Variants in PEAK1 observed in about 807,000 individuals in gnomAD.
The protein encoded by PEAK1 is inactive tyrosine-protein kinase PEAK1.
Under a neutral mutation model 124.7 loss-of-function variants are expected in PEAK1, and 54 were observed. The ratio of observed to expected loss-of-function variants is 0.43; its 90% CI spans 0.35 to 0.54. The LOEUF is 0.54. Ranked by LOEUF, PEAK1 falls within the 20% of genes least tolerant of loss-of-function variation. PEAK1 has a pLI of 0.01. For synonymous variants in PEAK1, 719 were observed against 760.0 expected (o/e 0.95, Z 0.89); for missense variants, 2,046 against 2,134.5 (o/e 0.96, Z 0.82).
At chr15:77,101,700 G>C (rs2050695623) in exon 7 of PEAK1, 1 of 152,178 alleles carries the variant, frequency 6.6e-6, no homozygotes, top group Non-Finnish European at 1.5e-5. Flanking sequence ...GGGGAGGAGG[G>C]GGTCTTGGAG....
chr15:77,195,479 T>C (rs1432122454), intron 6 of PEAK1, among the ~76,000 whole-genome samples: 3 of 152,098 alleles, frequency 2.0e-5, no homozygotes, highest in East Asian at 3.8e-4. Flanking sequence ...TCAAGACAAG[T>C]GAGAGGAAGA....
intron 8 of PEAK1, chr15:77,156,725 T>G (rs1365366222): frequency 6.6e-6 from 1 of 152,198 alleles, no homozygotes; most frequent in African/African-American, 2.4e-5. Flanking sequence ...TAGTAAAAAT[T>G]AAATATTTTA....
At chr15:77,177,764 T>G (rs2056973444) in intron 7 of PEAK1, 2 of 152,154 alleles carry the variant, frequency 1.3e-5, no homozygotes, top group South Asian at 4.1e-4. Flanking sequence ...AAAAGTTCCT[T>G]GTTTTTACTG....
rs1207091121 is a variant in PEAK1, at chr15:77,151,833, T to C, written c.3331+6670A>G. ...ATCGGATGGTTGTAGATATGTGGCGTTATTTCTGAGGGCTCTGTTCTGTTC... is the reference window on the plus strand; with the variant it reads ...ATCGGATGGTTGTAGATATGTGGCGCTATTTCTGAGGGCTCTGTTCTGTTC... On this transcript the variant is annotated intron_variant, in intron 8 of 9. Transcript: ENST00000682557. 2.6e-5 allele frequency among the ~76,000 whole-genome samples: 4 copies of C among 152,366 alleles called. No homozygotes were observed. In the East Asian group the frequency reaches 7.7e-4, roughly 29 times the overall value.
intron 1 of PEAK1, chr15:77,418,781 A>G (rs1043793544): frequency 1.0e-6 from 1 of 985,326 alleles, no homozygotes; most frequent in Non-Finnish European, 1.2e-6. Flanking sequence ...AGAGAGCAAT[A>G]TGGGTTCTCT....
At chr15:77,240,471 T>C (rs571272695) in intron 6 of PEAK1, among the ~76,000 whole-genome samples, 1 of 151,558 alleles carries the variant, frequency 6.6e-6, no homozygotes, top group Non-Finnish European at 1.5e-5. Flanking sequence ...TAAAAAAAAA[T>C]GAGCCTGGTG....
chr15:77,312,686 T>C (rs146994466), intron 2 of PEAK1, among the ~76,000 whole-genome samples: 9 of 152,374 alleles, frequency 5.9e-5, no homozygotes, highest in Non-Finnish European at 1.2e-4. Flanking sequence ...TTTGTTTTCA[T>C]ACTCATGATG....
At chr15:77,392,165 G>T (rs1200522798) in intron 1 of PEAK1, among the ~76,000 whole-genome samples, 1 of 152,108 alleles carries the variant, frequency 6.6e-6, no homozygotes, top group Non-Finnish European at 1.5e-5. Context: ...TCACAAAGAA[G>T]GCATGCAGAA....
At chr15:77,123,376 A>C (rs1040563592) in intron 9 of PEAK1, among the ~76,000 whole-genome samples, 4 of 152,184 alleles carry the variant, frequency 2.6e-5, no homozygotes, top group Non-Finnish European at 4.4e-5. Context: ...CCAACTGTCC[A>C]TCCTGATTCT....
intron 2 of PEAK1, among the ~76,000 whole-genome samples, chr15:77,314,733 T>A (rs982967167): frequency 3.9e-5 from 6 of 152,166 alleles, no homozygotes; most frequent in Non-Finnish European, 8.8e-5. Context: ...ACTTGGTTGA[T>A]GGCCTTAATA....
intron 9 of PEAK1, among the ~76,000 whole-genome samples, chr15:77,129,621 T>G (rs138182731): frequency 0.21 from 30,753 of 145,738 alleles, 3,612 homozygotes; most frequent in Middle Eastern, 0.29. Flanking sequence ...TTTTTTTGTA[T>G]TTTTAGCAGA....
intron 6 of PEAK1, among the ~76,000 whole-genome samples, chr15:77,207,637 G>T (rs2058723679): frequency 6.6e-6 from 1 of 151,928 alleles, no homozygotes; most frequent in Non-Finnish European, 1.5e-5. Context: ...ACCAAATGTT[G>T]AGATAGTAAA....
chr15:77,312,348 T>A (rs1446873659), intron 2 of PEAK1, among the ~76,000 whole-genome samples: 2 of 152,368 alleles, frequency 1.3e-5, no homozygotes, highest in South Asian at 2.1e-4. Flanking sequence ...AAACCTGGGT[T>A]CAGAGAGTAC....
chr15:77,337,259 A>C, intron 2 of PEAK1: 1 of 985,348 alleles, frequency 1.0e-6, no homozygotes, highest in South Asian at 4.7e-5. Flanking sequence ...ACTAGGGAAA[A>C]AAAAAAGGTT....
At chr15:77,236,744 G>A (rs1311121150) in intron 6 of PEAK1, among the ~76,000 whole-genome samples, 1 of 152,196 alleles carries the variant, frequency 6.6e-6, no homozygotes, top group African/African-American at 2.4e-5. Context: ...ATCTTAAACT[G>A]TAGTTCCCAT....
intron 2 of PEAK1, among the ~76,000 whole-genome samples, chr15:77,297,336 A>T (rs1362591920): frequency 1.3e-5 from 2 of 151,828 alleles, no homozygotes; most frequent in African/African-American, 4.9e-5. Flanking sequence ...CTGAAAATTT[A>T]AAAAATGAAT....
At chr15:77,149,155 T>C (rs2054389235) in intron 8 of PEAK1, among the ~76,000 whole-genome samples, 1 of 152,230 alleles carries the variant, frequency 6.6e-6, no homozygotes, top group Admixed American at 6.5e-5. Flanking sequence ...ACAGCTCTTA[T>C]AGAAACCTAA....
chr15:77,168,889 T>C (rs2056312907), intron 7 of PEAK1, among the ~76,000 whole-genome samples: 1 of 152,186 alleles, frequency 6.6e-6, no homozygotes, highest in South Asian at 2.1e-4. Flanking sequence ...AGAAACGACT[T>C]ACATCGTATC....
chr15:77,178,267 C>T (rs1255388751), intron 7 of PEAK1: 1 of 153,030 alleles, frequency 6.5e-6, no homozygotes, highest in Non-Finnish European at 1.5e-5. Flanking sequence ...TACCACCCTC[C>T]ATTTTTTTCC....
Sources: gnomAD v4.1 joint callset for allele counts (sites outside exome capture counted in the v4.1 genomes callset) on GRCh38, gnomAD v4.1.1 for gene constraint, MANE v1.5 for transcripts, NCBI Gene and HGNC (gene_info 2026-07-23, HGNC 2026-07-21) for gene names.